Variants in TEX11 observed in about 807,000 individuals in gnomAD.
TEX11 encodes testis expressed 11.
A neutral mutation model predicts 84.4 loss-of-function variants in TEX11; 7 were observed. That is an observed-to-expected ratio of 0.08 (90% confidence interval 0.05 to 0.16). The LOEUF (loss-of-function observed/expected upper bound fraction) is 0.16. TEX11 is among the 10% of genes least tolerant of loss of function. The pLI is 1.00. For missense variants in TEX11, 551 were observed against 660.5 expected, an observed-to-expected ratio of 0.83 and a Z score of 1.82; for synonymous variants, 264 against 222.8, an observed-to-expected ratio of 1.18 and a Z score of -1.64.
chrX:70,813,638 A>G (rs1363188341), intron 8 of TEX11, among the ~76,000 whole-genome samples: 19 of 111,524 alleles, frequency 1.7e-4, no homozygotes, highest in Non-Finnish European at 3.2e-4. Context: ...GTATCCAATT[A>G]GGAAAAGAGG....
chrX:70,557,832 C>T (rs1442952715), intron 25 of TEX11, among the ~76,000 whole-genome samples: 1 of 112,091 alleles, frequency 8.9e-6, no homozygotes, highest in African/African-American at 3.2e-5. Context: ...AGGACTAACA[C>T]TTCCTGATTT....
chrX:70,624,517 A>G (rs1160770503), intron 19 of TEX11, among the ~76,000 whole-genome samples: 1 of 111,885 alleles, frequency 8.9e-6, no homozygotes, highest in African/African-American at 3.2e-5. Flanking sequence ...TTAAATATTT[A>G]CCTTACTGAA....
Position 70,746,560 on chromosome X carries a change from C to T in TEX11, c.693-2341G>A, listed in dbSNP as rs192054810. Among the ~76,000 whole-genome samples, 18 of 111,963 alleles carry T rather than the reference C, an allele frequency of 1.6e-4. No individual in the cohort carries two copies. The East Asian group carries it at 4.5e-3, about 28-fold the overall frequency. ...AGCATGCCATGAGCCCAGCTCTAGTCGTGTGGCACAGAGGTTCTGACCAGA... is the reference window on the plus strand; with the variant it reads ...AGCATGCCATGAGCCCAGCTCTAGTTGTGTGGCACAGAGGTTCTGACCAGA... On this transcript the variant is annotated intron_variant, in intron 9 of 29. Transcript: ENST00000374333.
intron 24 of TEX11, among the ~76,000 whole-genome samples, chrX:70,601,534 C>CTTTTTTTTTTTT (rs1182961993): frequency 3.2e-5 from 2 of 63,399 alleles, no homozygotes; most frequent in Non-Finnish European, 5.5e-5. Context: ...CAGCATCATT[C>CTTTTTTTTTTTT]TTTTTTTTTT....
chrX:70,729,536 A>G (rs1432785165), intron 11 of TEX11, among the ~76,000 whole-genome samples: 3 of 112,276 alleles, frequency 2.7e-5, no homozygotes, highest in African/African-American at 9.7e-5. Flanking sequence ...AGCGGATTCG[A>G]TCAACTGGAA....
chrX:70,808,107 C>CAAAAAAAAAAAAAAAAAAAAAAAAAAAAA (rs549201546), intron 8 of TEX11, among the ~76,000 whole-genome samples: 1 of 32,614 alleles, frequency 3.1e-5, no homozygotes, highest in African/African-American at 1.8e-4. Context: ...GACTCTGTCT[C>CAAAAAAAAAAAAAAAAAAAAAAAAAAAAA]AAAAAAAAAA....
At chrX:70,590,351 A>G (rs747334097) in intron 25 of TEX11, among the ~76,000 whole-genome samples, 171 of 112,049 alleles carry the variant, frequency 1.5e-3, no homozygotes, top group Non-Finnish European at 2.9e-3. Flanking sequence ...ATAAGCAAAA[A>G]CAAAGTGACA....
intron 20 of TEX11, among the ~76,000 whole-genome samples, chrX:70,617,113 A>G (rs1291200223): frequency 9.0e-6 from 1 of 110,693 alleles, no homozygotes; most frequent in Non-Finnish European, 1.9e-5. Flanking sequence ...TCAAAATATC[A>G]CATGTAGCCC....
downstream of TEX11, among the ~76,000 whole-genome samples, chrX:70,527,811 T>C (rs1273717491): frequency 8.9e-6 from 1 of 111,854 alleles, no homozygotes; most frequent in Non-Finnish European, 1.9e-5. Context: ...AGAAAGAAAC[T>C]GAGAGAGTGA....
intron 9 of TEX11, among the ~76,000 whole-genome samples, chrX:70,806,139 G>C (rs981301067): frequency 1.8e-5 from 2 of 112,224 alleles, no homozygotes; most frequent in African/African-American, 6.5e-5. Flanking sequence ...AATGAAGAGA[G>C]AGGAGTAAGC....
chrX:70,622,742 A>G (rs1223620603), intron 20 of TEX11, among the ~76,000 whole-genome samples: 1 of 111,687 alleles, frequency 9.0e-6, no homozygotes, highest in African/African-American at 3.2e-5. Context: ...TACCTATCAC[A>G]CAGCTTCAAT....
chrX:70,661,713 A>T (rs777397877), intron 16 of TEX11, among the ~76,000 whole-genome samples: 1 of 111,397 alleles, frequency 9.0e-6, no homozygotes, highest in Non-Finnish European at 1.9e-5. Flanking sequence ...CATTTGCCTG[A>T]TATCCACTGT....
chrX:70,812,725 G>A (rs1427648925), intron 8 of TEX11, among the ~76,000 whole-genome samples: 1 of 111,279 alleles, frequency 9.0e-6, no homozygotes, highest in Non-Finnish European at 1.9e-5. Context: ...AGAAAAGAGA[G>A]AAGAATCAAA....
At position 70,567,190 on chromosome X, in the gene TEX11, G is replaced by A. The variant is rs374251296; in HGVS notation, c.2141-12390C>T. On this transcript the variant is annotated intron_variant, in intron 25 of 29. Coordinates refer to ENST00000374333, the MANE Select transcript of TEX11 (RefSeq NM_031276.3). ...CTTCTAGATTTTCTAGTTTATTTGC[G>A]TAGAGGTGTTTGTAGTATTCTCTGA... Among the ~76,000 whole-genome samples, 13 of 110,829 alleles carry A rather than the reference G, an allele frequency of 1.2e-4. No individual in the cohort carries two copies. In the East Asian group the frequency reaches 1.4e-3, roughly 12 times the overall value.
At chrX:70,733,696 A>T (rs1196987246) in intron 11 of TEX11, among the ~76,000 whole-genome samples, 4 of 111,735 alleles carry the variant, frequency 3.6e-5, no homozygotes, top group Non-Finnish European at 7.5e-5. Context: ...ACACTTTTAC[A>T]CTACTGGTCG....
At chrX:70,705,350 G>C (rs2090363560) in intron 13 of TEX11, among the ~76,000 whole-genome samples, 1 of 111,698 alleles carries the variant, frequency 9.0e-6, no homozygotes, top group African/African-American at 3.3e-5. Context: ...CTGGTAGCTT[G>C]ATGGGGATGG....
chrX:70,712,022 C>T (rs2090440225), intron 13 of TEX11, among the ~76,000 whole-genome samples: 1 of 111,569 alleles, frequency 9.0e-6, no homozygotes, highest in South Asian at 3.8e-4. Context: ...AGCCAGTTTT[C>T]CCAGCACCAT....
chrX:70,610,981 C>A (rs1220819205), intron 20 of TEX11, among the ~76,000 whole-genome samples: 1 of 111,948 alleles, frequency 8.9e-6, no homozygotes, highest in African/African-American at 3.2e-5. Context: ...TGGGTGGAGG[C>A]TTGGAGTTTC....
Position 70,600,640 on chromosome X carries a change from A to G in TEX11, c.2067+4761T>C, listed in dbSNP as rs745333821. On this transcript the variant is annotated intron_variant, in intron 24 of 29. Transcript: ENST00000374333. The stretch of plus-strand genomic sequence containing the variant: ...AAGTAAAGCTCTCCTCAGCAAATGT[A>G]AAAGAACACAAATTATAACAAACTA... Among the ~76,000 whole-genome samples the G allele has an allele frequency of 2.9e-3, 292 of 100,551 alleles. 1 individual carries two copies. The highest frequency in any genetic ancestry group is 5.0e-3 in the Middle Eastern group (1 of 202). 87.3% of individuals were successfully genotyped at this position (100,551 alleles called of 115,157 possible). A position where few individuals can be genotyped will look rare whatever the true frequency, so the allele number is the denominator to read the frequency against.
Sources: gnomAD v4.1 joint callset for allele counts (sites outside exome capture counted in the v4.1 genomes callset) on GRCh38, gnomAD v4.1.1 for gene constraint, MANE v1.5 for transcripts, NCBI Gene and HGNC (gene_info 2026-07-23, HGNC 2026-07-21) for gene names.